Variants in UBE2E2 observed in about 807,000 individuals in gnomAD.
The protein encoded by UBE2E2 is ubiquitin conjugating enzyme E2 E2.
In UBE2E2, 6 loss-of-function variants were observed where a neutral mutation model predicts 24.7. The observed-to-expected ratio is 0.24, with a 90% confidence interval of 0.13 to 0.48. UBE2E2 has a LOEUF of 0.48. Ranked by LOEUF, UBE2E2 falls within the 20% of genes least tolerant of loss-of-function variation. The pLI is 0.99. For missense variants in UBE2E2, 169 were observed against 245.0 expected, an observed-to-expected ratio of 0.69 and a Z score of 2.07; for synonymous variants, 104 against 83.6, an observed-to-expected ratio of 1.24 and a Z score of -1.33.
intron 3 of UBE2E2, among the ~76,000 whole-genome samples, chr3:23,285,461 G>T (rs985029291): frequency 6.6e-6 from 1 of 152,164 alleles, no homozygotes; most frequent in African/African-American, 2.4e-5. Flanking sequence ...ACTGTTCTCT[G>T]TAGTGGTTGT....
intron 5 of UBE2E2, chr3:23,534,090 C>A: frequency 4.4e-6 from 3 of 680,618 alleles, no homozygotes; most frequent in Non-Finnish European, 5.4e-6. Flanking sequence ...TGTGTATAAC[C>A]TTGTATAACC....
chr3:23,491,632 T>A (rs892329117), intron 3 of UBE2E2, among the ~76,000 whole-genome samples: 1 of 152,206 alleles, frequency 6.6e-6, no homozygotes, highest in African/African-American at 2.4e-5. Flanking sequence ...AGCTTTGGGA[T>A]GGCAAGGGAT....
intron 3 of UBE2E2, among the ~76,000 whole-genome samples, chr3:23,420,622 C>A (rs1012938564): frequency 1.3e-5 from 2 of 152,182 alleles, no homozygotes; most frequent in Non-Finnish European, 2.9e-5. Context: ...GTTGTAACTT[C>A]TAAGACAAGG....
chr3:23,440,674 T>G (rs190617847), intron 3 of UBE2E2, among the ~76,000 whole-genome samples: 1 of 152,218 alleles, frequency 6.6e-6, no homozygotes, highest in Admixed American at 6.5e-5. Context: ...TCAGCCTAAA[T>G]GTTTCAGTCT....
intron 3 of UBE2E2, among the ~76,000 whole-genome samples, chr3:23,261,426 C>T (rs780580131): frequency 4.6e-5 from 7 of 151,998 alleles, no homozygotes; most frequent in South Asian, 2.1e-4. Context: ...TTAGCTAACA[C>T]GTGTATCACC....
chr3:23,437,971 T>C (rs1698219538), intron 3 of UBE2E2, among the ~76,000 whole-genome samples: 1 of 152,206 alleles, frequency 6.6e-6, no homozygotes, highest in Non-Finnish European at 1.5e-5. Context: ...CAAAGATCAG[T>C]TACTGGAAAT....
intron 3 of UBE2E2, among the ~76,000 whole-genome samples, chr3:23,360,043 A>C (rs1696068679): frequency 6.6e-6 from 1 of 152,148 alleles, no homozygotes. Context: ...TGGTCTAATT[A>C]GTTTTCCTTG....
chr3:23,292,334 A>T (rs1191934002), intron 3 of UBE2E2, among the ~76,000 whole-genome samples: 1 of 152,076 alleles, frequency 6.6e-6, no homozygotes, highest in African/African-American at 2.4e-5. Flanking sequence ...TTAAAACAGT[A>T]TTGGTGGTAT....
chr3:23,541,539 T>C (rs1695397122), intron 5 of UBE2E2, among the ~76,000 whole-genome samples: 1 of 152,232 alleles, frequency 6.6e-6, no homozygotes, highest in Non-Finnish European at 1.5e-5. Context: ...CTAGCATATT[T>C]CTTTCTGGAG....
At chr3:23,467,747 C>A (rs1698952850) in intron 3 of UBE2E2, among the ~76,000 whole-genome samples, 1 of 152,098 alleles carries the variant, frequency 6.6e-6, no homozygotes, top group Non-Finnish European at 1.5e-5. Flanking sequence ...CTACCTGAGA[C>A]TGGGTAATTT....
chr3:23,402,273 GAAACAACT>G (rs1455525453), intron 3 of UBE2E2, among the ~76,000 whole-genome samples: 1 of 152,166 alleles, frequency 6.6e-6, no homozygotes, highest in Non-Finnish European at 1.5e-5. Context: ...AGAACATTAT[GAAACAACT>G]TCCACGTAAT....
chr3:23,530,022 C>T (rs1379693980), intron 4 of UBE2E2, among the ~76,000 whole-genome samples: 4 of 152,136 alleles, frequency 2.6e-5, no homozygotes. Flanking sequence ...ATAATAGTAA[C>T]TGATTTTTTT....
At chr3:23,463,602 C>T (rs1284688901) in intron 3 of UBE2E2, among the ~76,000 whole-genome samples, 1 of 152,044 alleles carries the variant, frequency 6.6e-6, no homozygotes, top group African/African-American at 2.4e-5. Flanking sequence ...CAAAGAGGGC[C>T]TCAAAGTAGC....
chr3:23,284,854 G>T (rs1426446241), intron 3 of UBE2E2, among the ~76,000 whole-genome samples: 2 of 150,466 alleles, frequency 1.3e-5, no homozygotes, highest in Non-Finnish European at 3.0e-5. Flanking sequence ...CCTGAGGTCT[G>T]TTCTAAATTT....
intron 3 of UBE2E2, among the ~76,000 whole-genome samples, chr3:23,287,789 AC>A (rs1698658002): frequency 8.2e-6 from 1 of 121,526 alleles, no homozygotes; most frequent in South Asian, 2.5e-4. Flanking sequence ...TTTTTTTTTT[AC>A]ATCTCTGATT....
intron 5 of UBE2E2, among the ~76,000 whole-genome samples, chr3:23,554,693 G>A (rs1315906527): frequency 1.3e-5 from 2 of 152,028 alleles, no homozygotes; most frequent in Admixed American, 6.6e-5. Context: ...CACACCAAAA[G>A]CTCAGGCTAC....
intron 3 of UBE2E2, among the ~76,000 whole-genome samples, chr3:23,449,217 T>C (rs1698501335): frequency 1.3e-5 from 2 of 152,288 alleles, no homozygotes; most frequent in South Asian, 4.1e-4. Context: ...TTTGTAGAAG[T>C]GAAAACATTT....
chr3:23,225,410 T>C (rs1696792621), intron 3 of UBE2E2, among the ~76,000 whole-genome samples: 1 of 152,230 alleles, frequency 6.6e-6, no homozygotes, highest in Non-Finnish European at 1.5e-5. Context: ...TATTTTTTCC[T>C]AAGAATTTTA....
chr3:23,567,048 TA>T (rs1215498895), intron 5 of UBE2E2, among the ~76,000 whole-genome samples: 2 of 152,166 alleles, frequency 1.3e-5, no homozygotes, highest in African/African-American at 2.4e-5. Context: ...CTTAGTGAGG[TA>T]AAAAGATGCA....
Sources: gnomAD v4.1 joint callset for allele counts (sites outside exome capture counted in the v4.1 genomes callset) on GRCh38, gnomAD v4.1.1 for gene constraint, MANE v1.5 for transcripts, NCBI Gene and HGNC (gene_info 2026-07-23, HGNC 2026-07-21) for gene names.